The following RASGRF2 variants were observed in gnomAD, a reference collection of about 807,000 sequenced individuals.
The protein encoded by RASGRF2 is Ras protein specific guanine nucleotide releasing factor 2.
A neutral mutation model predicts 151.0 loss-of-function variants in RASGRF2; 76 were observed. That is an observed-to-expected ratio of 0.50 (90% CI 0.42 to 0.61). RASGRF2 has a LOEUF of 0.61. Among genes scored for constraint, RASGRF2 ranks in the 20% least tolerant of loss-of-function variants. The probability of loss-of-function intolerance (pLI) is 0.00; values close to 1 mark genes in which losing one functional copy is unlikely to be tolerated. For synonymous variants in RASGRF2, 504 were observed against 566.5 expected (o/e 0.89, Z 1.57); for missense variants, 1,148 against 1,564.6 (o/e 0.73, Z 4.49).
intron 19 of RASGRF2, among the ~76,000 whole-genome samples, chr5:81,203,034 C>A (rs1271658646): frequency 6.6e-6 from 1 of 152,228 alleles, no homozygotes; most frequent in Non-Finnish European, 1.5e-5. Context: ...TAGGGGCCTT[C>A]TTCACTTTTT....
chr5:80,987,013 T>A (rs986492812), intron 1 of RASGRF2, among the ~76,000 whole-genome samples: 2 of 152,192 alleles, frequency 1.3e-5, no homozygotes, highest in African/African-American at 4.8e-5. Flanking sequence ...CTTAACAGGC[T>A]GTGTGCATTG....
intron 12 of RASGRF2, among the ~76,000 whole-genome samples, chr5:81,100,943 A>G (rs1248163512): frequency 2.6e-5 from 4 of 152,224 alleles, no homozygotes; most frequent in Non-Finnish European, 5.9e-5. Context: ...TTAAATAGGT[A>G]CTGCCTTAGG....
chr5:81,037,613 C>T (rs1380342221), intron 1 of RASGRF2, among the ~76,000 whole-genome samples: 1 of 152,124 alleles, frequency 6.6e-6, no homozygotes, highest in Admixed American at 6.6e-5. Context: ...TGTACTTTCA[C>T]TCAACCTGGG....
intron 1 of RASGRF2, among the ~76,000 whole-genome samples, chr5:80,975,683 T>A (rs1748088633): frequency 6.6e-6 from 1 of 152,172 alleles, no homozygotes; most frequent in East Asian, 1.9e-4. Flanking sequence ...CCTTATTTAC[T>A]AATGAGTGGT....
intron 19 of RASGRF2, among the ~76,000 whole-genome samples, chr5:81,206,077 T>C (rs6890464): frequency 0.41 from 62,995 of 152,016 alleles, 13,546 homozygotes; most frequent in African/African-American, 0.53. Context: ...TGGCAAATTA[T>C]GTAATTGGAT....
At chr5:80,968,472 C>T (rs1747796037) in intron 1 of RASGRF2, among the ~76,000 whole-genome samples, 1 of 152,028 alleles carries the variant, frequency 6.6e-6, no homozygotes, top group South Asian at 2.1e-4. Flanking sequence ...GGAGATTGCA[C>T]TGGATATAGC....
At chr5:81,089,309 G>C (rs1307995013) in intron 9 of RASGRF2, among the ~76,000 whole-genome samples, 1 of 152,146 alleles carries the variant, frequency 6.6e-6, no homozygotes, top group African/African-American at 2.4e-5. Context: ...ATTACTTTTA[G>C]GGATGATATG....
In RASGRF2 at chr5:81,207,231, C is replaced by T; in HGVS notation, c.2968-15C>T. 6.2e-7 allele frequency: 1 copy of T among 1,612,664 alleles called. No individual in the cohort carries two copies. Among genetic ancestry groups the T allele is most frequent in the Non-Finnish European group, 8.5e-7 (1 of 1,178,822 alleles). On this transcript the variant is annotated splice_polypyrimidine_tract_variant and intron_variant, in intron 20 of 26. Transcript: ENST00000265080. ...CTCTCCTGGGTGTTTCATTTCCCTC[C>T]CTCATCTCTTGCAGACTGACTGCAT...
At chr5:81,071,622 A>G (rs72635626) in intron 4 of RASGRF2, among the ~76,000 whole-genome samples, 24,211 of 152,190 alleles carry the variant, frequency 0.16, 2,349 homozygotes, top group East Asian at 0.42. Context: ...ATAAAAAAGT[A>G]AAATAACACT....
At chr5:81,114,508 T>A (rs1475043328) in intron 15 of RASGRF2, among the ~76,000 whole-genome samples, 2 of 152,216 alleles carry the variant, frequency 1.3e-5, no homozygotes, top group East Asian at 1.9e-4. Context: ...ATAGTTTTTT[T>A]AAAATGTTGA....
At chr5:81,078,535 A>G (rs1580288219) in intron 5 of RASGRF2, among the ~76,000 whole-genome samples, 1 of 152,192 alleles carries the variant, frequency 6.6e-6, no homozygotes, top group Non-Finnish European at 1.5e-5. Context: ...ACTTAACATA[A>G]TGTGAAGAGG....
At position 80,980,252 on chromosome 5, in the gene RASGRF2, A is replaced by G. The variant is rs542832009; in HGVS notation, c.288+19226A>G. On this transcript the variant is annotated intron_variant, in intron 1 of 26. Transcript: ENST00000265080. ...CTGACTGTTATCCTTTGCACCAAGAACATTGTGTCCCCAGGGCCCACCAGC... is the reference window on the plus strand; with the variant it reads ...CTGACTGTTATCCTTTGCACCAAGAGCATTGTGTCCCCAGGGCCCACCAGC... 3.3e-5 allele frequency among the ~76,000 whole-genome samples: 5 copies of G among 152,314 alleles called. No homozygotes were observed. In the South Asian group the frequency reaches 1.0e-3, roughly 32 times the overall value.
intron 5 of RASGRF2, among the ~76,000 whole-genome samples, chr5:81,079,028 T>A (rs1167356347): frequency 6.6e-6 from 1 of 152,178 alleles, no homozygotes; most frequent in African/African-American, 2.4e-5. Context: ...CCCAAAGCAC[T>A]CACATCGCCA....
chr5:81,080,075 A>C (rs1442910506), intron 5 of RASGRF2, 46 bp from the exon 6 acceptor site: 19 of 1,567,824 alleles, frequency 1.2e-5, no homozygotes, highest in Non-Finnish European at 1.4e-5. Flanking sequence ...AAACAAAATA[A>C]ACACATTATA....
chr5:81,203,758 G>A (rs1755446319), intron 19 of RASGRF2, among the ~76,000 whole-genome samples: 1 of 152,234 alleles, frequency 6.6e-6, no homozygotes, highest in Non-Finnish European at 1.5e-5. Flanking sequence ...TTAGGTTGTT[G>A]TGAAGAGTAC....
intron 1 of RASGRF2, among the ~76,000 whole-genome samples, chr5:80,966,562 T>C (rs1747730652): frequency 6.6e-6 from 1 of 152,218 alleles, no homozygotes; most frequent in African/African-American, 2.4e-5. Flanking sequence ...TGAGAAGTTA[T>C]AAATACATGA....
intron 22 of RASGRF2, among the ~76,000 whole-genome samples, chr5:81,208,962 C>A (rs978327966): frequency 4.6e-5 from 7 of 152,130 alleles, no homozygotes; most frequent in Admixed American, 4.6e-4. Context: ...AAAGGTTCAC[C>A]TTTGATGGTA....
At chr5:81,152,069 T>C (rs1176143519) in intron 17 of RASGRF2, among the ~76,000 whole-genome samples, 1 of 152,156 alleles carries the variant, frequency 6.6e-6, no homozygotes, top group Non-Finnish European at 1.5e-5. Flanking sequence ...TGGCACGATC[T>C]CGGCTCACTG....
At chr5:81,218,741 G>A (rs1755797965) in intron 25 of RASGRF2, among the ~76,000 whole-genome samples, 1 of 152,130 alleles carries the variant, frequency 6.6e-6, no homozygotes, top group African/African-American at 2.4e-5. Flanking sequence ...GAAGAATGAT[G>A]GTGGTATTTT....
Sources: gnomAD v4.1 joint callset for allele counts (sites outside exome capture counted in the v4.1 genomes callset) on GRCh38, gnomAD v4.1.1 for gene constraint, MANE v1.5 for transcripts, NCBI Gene and HGNC (gene_info 2026-07-23, HGNC 2026-07-21) for gene names.